The following RABEP1 variants were observed in gnomAD, a reference collection of about 807,000 sequenced individuals.
RABEP1 encodes rabaptin, RAB GTPase binding effector protein 1.
RABEP1 carries 51 observed loss-of-function variants against 123.4 expected under a neutral mutation model. The observed-to-expected ratio is 0.41, with a 90% confidence interval of 0.33 to 0.52. RABEP1 has a LOEUF of 0.52. Among genes scored for constraint, RABEP1 ranks in the 20% least tolerant of loss-of-function variants. The pLI, the probability that RABEP1 is intolerant of heterozygous loss-of-function variation, is 0.16. For missense variants in RABEP1, 888 were observed against 996.3 expected, an observed-to-expected ratio of 0.89 and a Z score of 1.46; for synonymous variants, 347 against 355.2, an observed-to-expected ratio of 0.98 and a Z score of 0.26.
At position 5,283,074 on chromosome 17, in the gene RABEP1, T is replaced by C. The variant is rs1481774378; in HGVS notation, c.34+554T>C. Among the ~76,000 whole-genome samples, 3 of 152,062 alleles carry C rather than the reference T, an allele frequency of 2.0e-5. No homozygotes were observed. In the East Asian group the frequency reaches 5.8e-4, roughly 29 times the overall value. ...GGGGCCTGGGAGTCTAGAGGACCTG[T>C]ATTCTTAACCAGCAAGCTCTGGGCT... On this transcript the variant is annotated intron_variant, in intron 1 of 17. Transcript: ENST00000537505.
chr17:5,294,166 G>C (rs1346951990), intron 1 of RABEP1, among the ~76,000 whole-genome samples: 1 of 152,144 alleles, frequency 6.6e-6, no homozygotes, highest in African/African-American at 2.4e-5. Context: ...GGGAGGCTGA[G>C]GCGGGGGAAT....
In RABEP1 at chr17:5,346,841, C is replaced by G. The variant is rs753998645; in HGVS notation, c.700C>G (p.Leu234Val). The change falls in exon 6 of 18, where the codon CTA (leucine) becomes GTA (valine). Residue 234 changes from leucine (L) to valine (V), a missense_variant. Leu to Val is a conservative substitution (Grantham distance 32). Coordinates refer to ENST00000537505, the MANE Select transcript of RABEP1 (RefSeq NM_004703.6). ...LEAEKSCRTD[L>V]EMYVAVLNTQ... Reference sequence around the variant, plus strand: ...AGCTGAGAAATCTTGTAGGACTGATCTAGAGATGTATGTAGCTGTTTTGAA... The same window carrying G: ...AGCTGAGAAATCTTGTAGGACTGATGTAGAGATGTATGTAGCTGTTTTGAA... The G allele has an allele frequency of 1.2e-6, 2 of 1,609,388 alleles. No homozygotes were observed. Among genetic ancestry groups the G allele is most frequent in the Admixed American group, 1.7e-5 (1 of 59,778 alleles).
rs369353649 is a variant in RABEP1 at position 5,373,326 on chromosome 17, C to G, written c.1897C>G (p.Gln633Glu). Reference protein sequence around the residue: ...DVQEQMAVLMQSREQVSEELV... With the variant: ...DVQEQMAVLMESREQVSEELV... ...ACTTCTATTTTAGGCGGTGCTGATG[C>G]AGTCACGGGAACAGGTTTCAGAAGA... Residue 633 changes from glutamine to glutamate, a missense_variant, in exon 13 of 18, where the codon CAG (glutamine) becomes GAG (glutamate). Physicochemically the swap from Gln to Glu is conservative, Grantham distance 29. Coordinates refer to ENST00000537505, the MANE Select transcript of RABEP1 (RefSeq NM_004703.6). 1 of 1,612,880 alleles carries G rather than the reference C, an allele frequency of 6.2e-7. No individual in the cohort carries two copies. The highest frequency in any genetic ancestry group is 8.5e-7 in the Non-Finnish European group (1 of 1,179,648).
chr17:5,299,380 T>G (rs1051106107), intron 1 of RABEP1, among the ~76,000 whole-genome samples: 5 of 134,716 alleles, frequency 3.7e-5, no homozygotes, highest in African/African-American at 1.4e-4. Context: ...GTGTAGCAGG[T>G]TTTTTTTTTT....
intron 11 of RABEP1, 82 bp from the exon 12 acceptor site, chr17:5,368,288 A>G: frequency 1.0e-6 from 1 of 967,182 alleles, no homozygotes. Flanking sequence ...AATTCCAGAC[A>G]CTAAATAGTT....
At chr17:5,323,181 A>G (rs1905556117) in intron 2 of RABEP1, among the ~76,000 whole-genome samples, 1 of 152,208 alleles carries the variant, frequency 6.6e-6, no homozygotes. Flanking sequence ...AACCCTCATC[A>G]AATTGTGTGT....
At chr17:5,341,597 CTG>C (rs770612246) in intron 5 of RABEP1, among the ~76,000 whole-genome samples, 2 of 152,238 alleles carry the variant, frequency 1.3e-5, no homozygotes, top group South Asian at 2.1e-4. Context: ...AGCTCTCCAA[CTG>C]TTTTTATGAG....
At chr17:5,357,759 C>T (rs1227256005) in intron 8 of RABEP1, among the ~76,000 whole-genome samples, 1 of 152,100 alleles carries the variant, frequency 6.6e-6, no homozygotes, top group African/African-American at 2.4e-5. Flanking sequence ...ACTCACAGTT[C>T]TCCTGGAAGC....
chr17:5,336,271 T>C (rs1201321770), intron 4 of RABEP1, among the ~76,000 whole-genome samples: 1 of 152,196 alleles, frequency 6.6e-6, no homozygotes, highest in African/African-American at 2.4e-5. Flanking sequence ...AGTCTTTCAA[T>C]TTTAGAACTG....
chr17:5,315,424 C>T (rs1289423426), intron 2 of RABEP1, among the ~76,000 whole-genome samples: 3 of 152,254 alleles, frequency 2.0e-5, no homozygotes, highest in East Asian at 3.9e-4. Flanking sequence ...CTTCAACACA[C>T]ATCTGAAAAG....
intron 1 of RABEP1, among the ~76,000 whole-genome samples, chr17:5,297,990 G>C (rs918454979): frequency 2.6e-5 from 4 of 152,104 alleles, no homozygotes; most frequent in Non-Finnish European, 4.4e-5. Context: ...CTTTCCTCTT[G>C]GTTCTTGTGT....
intron 13 of RABEP1, among the ~76,000 whole-genome samples, chr17:5,373,683 ACAC>A (rs992769908): frequency 2.3e-5 from 3 of 131,296 alleles, no homozygotes; most frequent in African/African-American, 5.6e-5. Flanking sequence ...TGACCCGACT[ACAC>A]CAGCTAAACA....
In RABEP1 at chr17:5,376,080, A is replaced by G. The variant is rs577471643; in HGVS notation, c.2026-1036A>G. 3.3e-5 allele frequency among the ~76,000 whole-genome samples: 5 copies of G among 152,238 alleles called. No homozygotes were observed. The South Asian group carries it at 1.0e-3, about 32-fold the overall frequency. ...GGTCTCGAATTCTCGACCTCAAGGAATCCGCCTTCCTCGGCTTCCCAAAAG... is the reference window on the plus strand; with the variant it reads ...GGTCTCGAATTCTCGACCTCAAGGAGTCCGCCTTCCTCGGCTTCCCAAAAG... On this transcript the variant is annotated intron_variant, in intron 13 of 17. Transcript: ENST00000537505.
chr17:5,291,386 C>T (rs550628270), intron 1 of RABEP1, among the ~76,000 whole-genome samples: 6 of 151,924 alleles, frequency 3.9e-5, no homozygotes, highest in East Asian at 3.9e-4. Context: ...CACTCCAGCC[C>T]GGGCGACAGT....
chr17:5,312,995 A>G (rs1285833922), intron 2 of RABEP1, among the ~76,000 whole-genome samples: 1 of 152,096 alleles, frequency 6.6e-6, no homozygotes, highest in Admixed American at 6.6e-5. Context: ...CTGTAGTCCC[A>G]GCTACTTGGG....
At chr17:5,345,682 G>T (rs1419740136) in intron 5 of RABEP1, among the ~76,000 whole-genome samples, 1 of 152,160 alleles carries the variant, frequency 6.6e-6, no homozygotes, top group African/African-American at 2.4e-5. Context: ...GTGCTGGACT[G>T]TCAACCTTCA....
intron 2 of RABEP1, among the ~76,000 whole-genome samples, chr17:5,327,113 CGA>C (rs1906054191): frequency 6.6e-6 from 1 of 152,026 alleles, no homozygotes; most frequent in Non-Finnish European, 1.5e-5. Flanking sequence ...TTTGGGAGGC[CGA>C]GGTGGGCGGA....
chr17:5,335,948 C>T (rs930289118), intron 4 of RABEP1, among the ~76,000 whole-genome samples: 2 of 151,902 alleles, frequency 1.3e-5, no homozygotes, highest in African/African-American at 2.4e-5. Flanking sequence ...TGTTAGTTTT[C>T]CTTCTTTCTC....
intron 2 of RABEP1, among the ~76,000 whole-genome samples, chr17:5,325,731 C>A (rs10454710): frequency 0.49 from 72,827 of 150,014 alleles, 18,975 homozygotes; most frequent in African/African-American, 0.69. Flanking sequence ...AAAAAAAAAA[C>A]CGACAAATAT....
Sources: gnomAD v4.1 joint callset for allele counts (sites outside exome capture counted in the v4.1 genomes callset) on GRCh38, gnomAD v4.1.1 for gene constraint, MANE v1.5 for transcripts, NCBI Gene and HGNC (gene_info 2026-07-23, HGNC 2026-07-21) for gene names.